ZNF474: variants seen among roughly 807,000 people sequenced by gnomAD.
ZNF474 encodes zinc finger protein 474.
For synonymous variants in ZNF474, 192 were observed against 162.2 expected (o/e 1.18, Z -1.39); for missense variants, 511 against 433.8 (o/e 1.18, Z -1.58).
rs577816665 is a variant in ZNF474, at chr5:122,129,692, C to A, written c.-213+9C>A. On this transcript the variant is annotated intron_variant, in intron 1 of 1. Coordinates refer to ENST00000296600, the MANE Select transcript of ZNF474 (RefSeq NM_207317.3). ...AAAGGCAAAATAAAAAGGTAAAGAA[C>A]AAATGTCACAAGGTGAGGCTCTCGC... 1 of 152,236 alleles carries A rather than the reference C, an allele frequency of 6.6e-6. No homozygotes were observed. The highest frequency in any genetic ancestry group is 1.5e-5 in the Non-Finnish European group (1 of 68,072). 9.4% of individuals were successfully genotyped at this position (152,236 alleles called of 1,614,324 possible).
At chr5:122,151,731 G>T (rs1297260590) in intron 1 of ZNF474, 48 bp from the exon 2 acceptor site, 2 of 375,650 alleles carry the variant, frequency 5.3e-6, no homozygotes, top group Non-Finnish European at 9.8e-6. Flanking sequence ...GTGTGTGTGT[G>T]TGTGTGTTTA....
At chr5:122,145,576 T>C (rs948936396) in intron 1 of ZNF474, among the ~76,000 whole-genome samples, 1 of 152,076 alleles carries the variant, frequency 6.6e-6, no homozygotes, top group Non-Finnish European at 1.5e-5. Flanking sequence ...ATATAAAATT[T>C]AAAAAAATAC....
chr5:122,141,143 T>C (rs1561439496), intron 1 of ZNF474, among the ~76,000 whole-genome samples: 2 of 136,934 alleles, frequency 1.5e-5, no homozygotes, highest in Non-Finnish European at 3.1e-5. Context: ...TTATTTTATT[T>C]TATTTTATTT....
intron 1 of ZNF474, among the ~76,000 whole-genome samples, chr5:122,134,479 T>G (rs1755651392): frequency 6.6e-6 from 1 of 152,246 alleles, no homozygotes; most frequent in Non-Finnish European, 1.5e-5. Flanking sequence ...AATTTTCTTG[T>G]CTTTGCCCAA....
chr5:122,146,777 T>G (rs1191107297), intron 1 of ZNF474, among the ~76,000 whole-genome samples: 1 of 152,258 alleles, frequency 6.6e-6, no homozygotes, highest in African/African-American at 2.4e-5. Flanking sequence ...TCCAGGCCTC[T>G]GCTCTGTCAT....
At position 122,152,562 on chromosome 5, in the gene ZNF474, G is replaced by T. The variant is rs749712326; in HGVS notation, c.572G>T (p.Gly191Val). ...CATCACAGAAGCTGCAAGCCAAAGG[G>T]TGAGGGTCCCAGAGCACCACACTCA... ...LVHHRSCKPK[G>V]EGPRAPHSNS... The change falls in exon 2 of 2, where the codon GGT becomes GTT. Residue 191 changes from glycine (G) to valine (V), a missense_variant. Gly to Val is a moderately radical substitution (Grantham distance 109). Transcript: ENST00000296600. The T allele has an allele frequency of 2.5e-6, 4 of 1,614,056 alleles. No homozygotes were observed. Among genetic ancestry groups the T allele is most frequent in the Non-Finnish European group, 3.4e-6 (4 of 1,180,058 alleles).
At chr5:122,151,734 T>TG (rs1756182145) in intron 1 of ZNF474, 45 bp from the exon 2 acceptor site, 1 of 382,490 alleles carries the variant, frequency 2.6e-6, no homozygotes, top group Admixed American at 4.2e-5. Context: ...TGTGTGTGTG[T>TG]GTGTTTACAT....
chr5:122,142,569 C>T (rs983309426), intron 1 of ZNF474, among the ~76,000 whole-genome samples: 1 of 152,192 alleles, frequency 6.6e-6, no homozygotes, highest in Non-Finnish European at 1.5e-5. Flanking sequence ...TTCCCCTAGA[C>T]ACCAGGCGAC....
chr5:122,153,217 C>G lies in ZNF474; in HGVS notation c.*132C>G, dbSNP rs1756246057. ...GTTGAACTCCAGGGCCTATACCTCT[C>G]TTGGCTGAATAGATATAAGAACATC... On this transcript the variant is annotated 3_prime_UTR_variant, in exon 2 of 2. Transcript: ENST00000296600. 1 of 1,142,460 alleles carries G rather than the reference C, an allele frequency of 8.8e-7. No homozygotes were observed. Among genetic ancestry groups the G allele is most frequent in the Admixed American group, 2.7e-5 (1 of 36,532 alleles). The allele number at this position is 1,142,460 out of a possible 1,614,324, so 70.8% of individuals were successfully genotyped here.
intron 1 of ZNF474, among the ~76,000 whole-genome samples, chr5:122,147,311 T>C (rs992700566): frequency 5.3e-5 from 8 of 152,210 alleles, no homozygotes; most frequent in African/African-American, 1.9e-4. Context: ...TTAAAGAATT[T>C]GAATTCAATA....
intron 1 of ZNF474, among the ~76,000 whole-genome samples, chr5:122,131,187 C>T (rs1033053685): frequency 1.3e-5 from 2 of 152,008 alleles, no homozygotes; most frequent in East Asian, 1.9e-4. Context: ...AAATGGGAAC[C>T]CTTATACACT....
chr5:122,144,027 T>A (rs911866054), intron 1 of ZNF474, among the ~76,000 whole-genome samples: 1 of 152,190 alleles, frequency 6.6e-6, no homozygotes, highest in African/African-American at 2.4e-5. Context: ...CTGGCTGCTT[T>A]ATTTTTTTCT....
In ZNF474 at chr5:122,153,272, A is replaced by G. The variant is rs966951943; in HGVS notation, c.*187A>G. On this transcript the variant is annotated 3_prime_UTR_variant, in exon 2 of 2. Coordinates refer to ENST00000296600, the MANE Select transcript of ZNF474 (RefSeq NM_207317.3). Reference sequence around the variant, plus strand: ...CCTGATGGGTTCATATTCCTCTTCAATTCTGCTGTCTAAAAGAAGAAGAGA... The same window carrying G: ...CCTGATGGGTTCATATTCCTCTTCAGTTCTGCTGTCTAAAAGAAGAAGAGA... The G allele has an allele frequency of 2.3e-5, 14 of 601,290 alleles. No individual in the cohort carries two copies. The African/African-American group carries it at 2.4e-4, about 10-fold the overall frequency. The allele number at this position is 601,290 out of a possible 1,614,324, so 37.2% of individuals were successfully genotyped here.
intron 1 of ZNF474, among the ~76,000 whole-genome samples, chr5:122,138,209 G>GT (rs970397468): frequency 1.3e-5 from 2 of 152,112 alleles, no homozygotes; most frequent in Non-Finnish European, 2.9e-5. Flanking sequence ...AGGATAAGAT[G>GT]TTTTTTTCAG....
At chr5:122,145,013 G>A (rs1287295408) in intron 1 of ZNF474, among the ~76,000 whole-genome samples, 2 of 152,162 alleles carry the variant, frequency 1.3e-5, no homozygotes, top group African/African-American at 2.4e-5. Context: ...AATGCCTTTG[G>A]CAGAGGGCTC....
intron 1 of ZNF474, among the ~76,000 whole-genome samples, chr5:122,147,617 A>G (rs1756026337): frequency 6.6e-6 from 1 of 151,380 alleles, no homozygotes; most frequent in Non-Finnish European, 1.5e-5. Flanking sequence ...GAGTGTGAAC[A>G]TGAGGTGTTC....
chr5:122,134,693 A>G (rs185498539), intron 1 of ZNF474, among the ~76,000 whole-genome samples: 18 of 152,304 alleles, frequency 1.2e-4, no homozygotes, highest in Admixed American at 5.2e-4. Flanking sequence ...GATACCTTCC[A>G]AAAATCATAC....
chr5:122,142,048 C>T (rs6877130), intron 1 of ZNF474, among the ~76,000 whole-genome samples: 78 of 152,260 alleles, frequency 5.1e-4, no homozygotes, highest in African/African-American at 1.7e-3. Context: ...TTGTTGGCAT[C>T]GCCTTCTCTC....
intron 1 of ZNF474, among the ~76,000 whole-genome samples, chr5:122,137,309 G>A (rs537260908): frequency 1.3e-5 from 2 of 151,688 alleles, no homozygotes; most frequent in African/African-American, 2.4e-5. Context: ...TTAGCCAGGC[G>A]TGGTGGCAGG....
Sources: allele counts gnomAD v4.1 joint callset (sites outside exome capture counted in the v4.1 genomes callset), GRCh38; gene constraint gnomAD v4.1.1; transcripts MANE v1.5; gene names NCBI Gene and HGNC (gene_info 2026-07-23, HGNC 2026-07-21).